Variants in PNPLA7 observed in about 807,000 individuals in gnomAD.
PNPLA7 encodes patatin like domain 7, lysophospholipase, also known as patatin-like phospholipase domain-containing protein 7.
In PNPLA7, 153 loss-of-function variants were observed where a neutral mutation model predicts 161.7. That is an observed-to-expected ratio of 0.95 (90% CI 0.83 to 1.08). The LOEUF (loss-of-function observed/expected upper bound fraction) is 1.08. PNPLA7 is among the 50% of genes least tolerant of loss of function. The pLI is 0.00. For synonymous variants in PNPLA7, 809 were observed against 782.1 expected, an observed-to-expected ratio of 1.03 and a Z score of -0.57; for missense variants, 1,739 against 1,856.6, an observed-to-expected ratio of 0.94 and a Z score of 1.16.
At chr9:137,504,112 A>G (rs1459983821) in intron 14 of PNPLA7, among the ~76,000 whole-genome samples, 2 of 149,124 alleles carry the variant, frequency 1.3e-5, no homozygotes, top group African/African-American at 5.0e-5. Flanking sequence ...GAAGAAAGAA[A>G]GAAGAAGAAG....
chr9:137,479,473 C>T (rs1478739247), intron 23 of PNPLA7: 1 of 1,227,752 alleles, frequency 8.1e-7, no homozygotes, highest in Non-Finnish European at 1.0e-6. Flanking sequence ...GGGGACGCCT[C>T]CTCTTTCTGT....
rs1588554486 is a variant in PNPLA7 at position 137,476,629 on chromosome 9, A to C, written c.2882+1405T>G. 6.6e-6 allele frequency among the ~76,000 whole-genome samples: 1 copy of C among 152,178 alleles called. No homozygotes were observed. The highest frequency in any genetic ancestry group is 1.5e-5 in the Non-Finnish European group (1 of 68,032). On this transcript the variant is annotated intron_variant, in intron 25 of 34. Transcript: ENST00000406427. The surrounding 1 kb of genome is among the most constrained non-coding windows in gnomAD (Gnocchi z 4.5). ...TAACTCTGGAGGTGGTGCTGGAAGG[A>C]AGGCAAAGGACTGCAGTTACGTGCC...
intron 12 of PNPLA7, among the ~76,000 whole-genome samples, chr9:137,507,061 A>G (rs7018788): frequency 0.026 from 4,036 of 152,320 alleles, 178 homozygotes; most frequent in African/African-American, 0.092. Context: ...AGCCAGACAC[A>G]GAGAGCCAGG....
chr9:137,460,592 C>T, intron 34 of PNPLA7, 42 bp downstream of exon 34: 3 of 1,600,958 alleles, frequency 1.9e-6, no homozygotes, highest in Non-Finnish European at 2.6e-6. Flanking sequence ...GGCACCAAGG[C>T]TCAGCTGTGG....
intron 28 of PNPLA7, 75 bp from the exon 29 acceptor site, chr9:137,463,606 T>C: frequency 8.9e-7 from 1 of 1,121,962 alleles, no homozygotes; most frequent in South Asian, 1.4e-5. Context: ...GCCTTGCCAC[T>C]GCAGTCCTGG....
intron 8 of PNPLA7, among the ~76,000 whole-genome samples, chr9:137,536,954 C>T (rs1483651824): frequency 1.3e-5 from 2 of 150,596 alleles, no homozygotes; most frequent in East Asian, 4.0e-4. Context: ...ACTTCATCTC[C>T]CACGACAGGA....
intron 12 of PNPLA7, among the ~76,000 whole-genome samples, chr9:137,510,139 C>T (rs1834140367): frequency 6.6e-6 from 1 of 152,102 alleles, no homozygotes; most frequent in Admixed American, 6.5e-5. Flanking sequence ...CATGGTCCAG[C>T]GGTAGCAAAA....
At position 137,546,876 on chromosome 9, in the gene PNPLA7, C is replaced by T. The variant is rs775358554; in HGVS notation, c.227G>A (p.Arg76Gln). The change falls in exon 4 of 35, where the codon CGG (arginine) becomes CAG (glutamine). Residue 76 changes from arginine (R) to glutamine (Q), a missense_variant. Arg to Gln is a conservative substitution (Grantham distance 43). This residue lies in a region of PNPLA7 where 209 missense variants were observed against 252.8 expected (regional missense o/e 0.83). Coordinates refer to ENST00000406427, the MANE Select transcript of PNPLA7 (RefSeq NM_001098537.3). ...GTAAAACATCACTTTGTCTCTCTTC[C>T]GGAACCGGTACTGAGGAGTGGGCTG... ...QAQPTPQYRF[R>Q]KRDKVMFYGR... 2.2e-5 allele frequency: 36 copies of T among 1,613,842 alleles called. No homozygotes were observed. Among genetic ancestry groups the T allele is most frequent in the Admixed American group, 1.7e-4 (10 of 60,008 alleles).
At chr9:137,493,588 G>C (rs1023951300) in intron 19 of PNPLA7, among the ~76,000 whole-genome samples, 1 of 152,270 alleles carries the variant, frequency 6.6e-6, no homozygotes, top group Admixed American at 6.5e-5. Context: ...CAGGGACCCT[G>C]CCCAGGGGCT....
chr9:137,525,604 T>C (rs1047296487), intron 8 of PNPLA7, among the ~76,000 whole-genome samples: 10 of 152,086 alleles, frequency 6.6e-5, no homozygotes, highest in African/African-American at 2.4e-4. Context: ...TCAAACACTT[T>C]AATACTTTCA....
Position 137,537,804 on chromosome 9 carries a change from G to T in PNPLA7, c.747+2838C>A, listed in dbSNP as rs1037504998. ...CACTGTGATAAGTGAGGCCCAACCT[G>T]AATATCACAACAAGATCAAGATCAG... On this transcript the variant is annotated intron_variant, in intron 8 of 34. Transcript: ENST00000406427. The surrounding 1 kb of genome is among the most constrained non-coding windows in gnomAD (Gnocchi z 4.5). 1.3e-5 allele frequency among the ~76,000 whole-genome samples: 2 copies of T among 151,580 alleles called. No homozygotes were observed. The highest frequency in any genetic ancestry group is 2.9e-5 in the Non-Finnish European group (2 of 68,016).
At chr9:137,460,543 C>A (rs1831126510) in intron 34 of PNPLA7, 67 bp from the exon 35 acceptor site, 1 of 1,600,218 alleles carries the variant, frequency 6.2e-7, no homozygotes, top group African/African-American at 1.3e-5. Flanking sequence ...GCTGGTAACC[C>A]GGTGGGACCA....
rs188744977 is a variant in PNPLA7, at chr9:137,511,449, G to C, written c.1225+3930C>G. Among the ~76,000 whole-genome samples, 556 of 151,046 alleles carry C rather than the reference G, an allele frequency of 3.7e-3. 1 individual carries two copies. The highest frequency in any genetic ancestry group is 5.7e-3 in the Non-Finnish European group (385 of 67,744). ...TGGCCTGGCGGTAGCGCCAGCGCCT[G>C]GGAAGGCACCCGTTACTCAGCAGAC... On this transcript the variant is annotated intron_variant, in intron 12 of 34. Transcript: ENST00000406427.
chr9:137,464,315 T>A (rs375990249), intron 27 of PNPLA7, 25 bp downstream of exon 27: 1 of 1,609,292 alleles, frequency 6.2e-7, no homozygotes. Context: ...GGGGGCTGCA[T>A]GGGCTCCTGA....
intron 1 of PNPLA7, among the ~76,000 whole-genome samples, chr9:137,549,289 C>T (rs541497301): frequency 1.3e-4 from 19 of 151,400 alleles, no homozygotes; most frequent in East Asian, 3.9e-4. Flanking sequence ...AAGACTAGGC[C>T]GGGCACGGTG....
intron 12 of PNPLA7, among the ~76,000 whole-genome samples, chr9:137,506,901 T>C (rs867905350): frequency 6.6e-6 from 1 of 152,240 alleles, no homozygotes; most frequent in African/African-American, 2.4e-5. Flanking sequence ...TTCCCATCCA[T>C]ACTGGAATTC....
At position 137,542,747 on chromosome 9, in the gene PNPLA7, G is replaced by A. The variant is rs370225357; in HGVS notation, c.561C>T (p.Val187=). ...PLFLELCKHI[V]FVQLQEGEHV... ...GCTCCCCTTCCTGCAGCTGCACAAA[G>A]ACGATGTGTTTGCAAAGCTCCAGGA... Residue 187 remains valine (V), a synonymous_variant, in exon 7 of 35, where the codon GTC becomes GTT. Transcript: ENST00000406427. 4.3e-6 allele frequency: 7 copies of A among 1,613,746 alleles called. No homozygotes were observed. The African/African-American group carries it at 9.3e-5, about 22-fold the overall frequency.
At position 137,501,849 on chromosome 9, in the gene PNPLA7, C is replaced by T; in HGVS notation, c.1474-122G>A. ...GTGAGGCCAGAGGCCGGGCAAGGCC[C>T]TCCTCCGAGGCTGTCCTCCAACAAG... On this transcript the variant is annotated intron_variant, in intron 14 of 34. Coordinates refer to ENST00000406427, the MANE Select transcript of PNPLA7 (RefSeq NM_001098537.3). 5.0e-6 allele frequency: 5 copies of T among 991,806 alleles called. No individual in the cohort carries two copies. The Middle Eastern group carries it at 1.1e-3, about 210-fold the overall frequency. The allele number at this position is 991,806 out of a possible 1,614,324, so 61.4% of individuals were successfully genotyped here. A position where few individuals can be genotyped will look rare whatever the true frequency, so the allele number is the denominator to read the frequency against.
At chr9:137,546,372 C>T (rs188060036) in intron 4 of PNPLA7, among the ~76,000 whole-genome samples, 12 of 151,970 alleles carry the variant, frequency 7.9e-5, no homozygotes, top group Admixed American at 4.6e-4. Context: ...TACTGGTCTC[C>T]GCGTCTTGGT....
Sources: gnomAD v4.1 joint callset for allele counts (sites outside exome capture counted in the v4.1 genomes callset) on GRCh38, gnomAD v4.1.1 for gene constraint, gnomAD v4.1.1 regional missense constraint, Gnocchi (gnomAD v3.1) non-coding constraint, MANE v1.5 for transcripts, NCBI Gene and HGNC (gene_info 2026-07-23, HGNC 2026-07-21) for gene names.